MPC2: variants seen among roughly 807,000 people sequenced by gnomAD.
MPC2 encodes the protein brain protein 44.
Under a neutral mutation model 19.2 loss-of-function variants are expected in MPC2, and 19 were observed. The ratio of observed to expected loss-of-function variants is 0.99; its 90% CI spans 0.69 to 1.45. The LOEUF is 1.45. MPC2 is among the 40% of genes most tolerant of loss of function. The probability of loss-of-function intolerance (pLI) is 0.00; values close to 1 mark genes in which losing one functional copy is unlikely to be tolerated. For synonymous variants in MPC2, 61 were observed against 54.3 expected, an observed-to-expected ratio of 1.12 and a Z score of -0.54; for missense variants, 122 against 153.0, an observed-to-expected ratio of 0.80 and a Z score of 1.07.
chr1:167,935,969 C>T, intron 1 of MPC2, 71 bp from the exon 2 acceptor site: 2 of 705,118 alleles, frequency 2.8e-6, no homozygotes, highest in South Asian at 1.7e-5. Context: ...CTGGAGTACC[C>T]TTCCCGCGGC....
chr1:167,933,502 T>G (rs1349922112), intron 2 of MPC2, among the ~76,000 whole-genome samples: 1 of 152,334 alleles, frequency 6.6e-6, no homozygotes, highest in East Asian at 1.9e-4. Context: ...AGACATACAG[T>G]GTCAGTGATA....
At chr1:167,928,239 TCG>T (rs1232326533) in intron 2 of MPC2, among the ~76,000 whole-genome samples, 151 of 150,852 alleles carry the variant, frequency 1.0e-3, no homozygotes, top group Non-Finnish European at 1.5e-3. Context: ...TCCCAGCTAC[TCG>T]GGAGGCTGAG....
chr1:167,930,701 G>A (rs1260661798), intron 2 of MPC2, among the ~76,000 whole-genome samples: 3 of 152,158 alleles, frequency 2.0e-5, no homozygotes, highest in East Asian at 1.9e-4. Flanking sequence ...ATAGAGCAAC[G>A]ACTAGAACAC....
intron 4 of MPC2, among the ~76,000 whole-genome samples, 153 bp downstream of exon 4, chr1:167,920,394 A>G (rs960604665): frequency 6.6e-6 from 1 of 152,232 alleles, no homozygotes; most frequent in Non-Finnish European, 1.5e-5. Context: ...TGACTCCTCC[A>G]TCCATAACTT....
chr1:167,925,450 T>C (rs1422575322), intron 2 of MPC2, among the ~76,000 whole-genome samples: 18 of 107,812 alleles, frequency 1.7e-4, no homozygotes, highest in South Asian at 8.2e-4. Context: ...CACATATATA[T>C]ATATATATAT....
chr1:167,919,288 A>G (rs1670543099), intron 5 of MPC2, among the ~76,000 whole-genome samples: 1 of 152,134 alleles, frequency 6.6e-6, no homozygotes. Flanking sequence ...CTTCCCTTCT[A>G]CCATACCTTG....
chr1:167,919,997 TGA>T lies in MPC2; in HGVS notation c.327_328del (p.Gln110AlafsTer8). On this transcript the variant is annotated frameshift_variant, in exon 5 of 6. Transcript: ENST00000271373. LOFTEE classifies it high-confidence loss of function. ...GGCTTACCTCCAAATACGAAAAAGC[TGA>T]GAGGCTCCTGCTGCCCCCACAAAGA... 6.2e-7 allele frequency: 1 copy of T among 1,612,426 alleles called. No individual in the cohort carries two copies. Among genetic ancestry groups the T allele is most frequent in the Non-Finnish European group, 8.5e-7 (1 of 1,179,296 alleles).
intron 2 of MPC2, among the ~76,000 whole-genome samples, chr1:167,927,621 C>T (rs560587640): frequency 5.9e-5 from 9 of 152,144 alleles, no homozygotes; most frequent in Non-Finnish European, 1.2e-4. Context: ...TGAGTAAAGC[C>T]TCTAGATTCT....
intron 3 of MPC2, among the ~76,000 whole-genome samples, chr1:167,922,147 A>G (rs1365060148): frequency 6.6e-6 from 1 of 152,232 alleles, no homozygotes; most frequent in African/African-American, 2.4e-5. Context: ...TAAGGTAAGT[A>G]TCTAATAGAA....
intron 2 of MPC2, among the ~76,000 whole-genome samples, chr1:167,925,546 G>GTTTTTT (rs1557854280): frequency 9.8e-6 from 1 of 101,844 alleles, no homozygotes; most frequent in African/African-American, 3.6e-5. Flanking sequence ...TTTTTTTTTG[G>GTTTTTT]TTTTTTTTGT....
intron 5 of MPC2, among the ~76,000 whole-genome samples, chr1:167,918,984 G>C (rs1265051410): frequency 6.6e-6 from 1 of 152,110 alleles, no homozygotes; most frequent in Non-Finnish European, 1.5e-5. Flanking sequence ...AATTCTACAA[G>C]AACGTGACAA....
chr1:167,921,660 G>A (rs1670605917), intron 3 of MPC2, among the ~76,000 whole-genome samples: 1 of 151,770 alleles, frequency 6.6e-6, no homozygotes, highest in African/African-American at 2.4e-5. Flanking sequence ...CACTATGTTT[G>A]TCCCCAATCT....
In MPC2 at chr1:167,937,071, C is replaced by A; in HGVS notation, c.-190G>T. On this transcript the variant is annotated 5_prime_UTR_variant, in exon 1 of 6. Transcript: ENST00000271373. ...CGCCTAGAGTGGGGGAGGGGGCACG[C>A]TGCCGGGTCTGTTGGAGGTGGGACG... is the stretch of plus-strand genomic sequence containing the variant. The A allele has an allele frequency of 2.1e-6, 3 of 1,404,142 alleles. No individual in the cohort carries two copies. Among genetic ancestry groups the A allele is most frequent in the African/African-American group, 1.4e-5 (1 of 70,920 alleles). The allele number at this position is 1,404,142 out of a possible 1,614,324, so 87.0% of individuals were successfully genotyped here.
chr1:167,925,428 GATATACATATACACATATATATATATAT>G (rs1670709654), intron 2 of MPC2, among the ~76,000 whole-genome samples: 1 of 92,984 alleles, frequency 1.1e-5, no homozygotes, highest in East Asian at 3.0e-4. Flanking sequence ...ATAATATACA[GATATACATATACACATATATATATATAT>G]ATATATATAT....
At position 167,920,672 on chromosome 1, in the gene MPC2, G is replaced by T. The variant is rs780550915; in HGVS notation, c.151-41C>A. On this transcript the variant is annotated intron_variant, in intron 3 of 5. Transcript: ENST00000271373. ...TAGAAAGAAAAAAAGTATCACAAAT[G>T]TGGAGTAATAGTTTTAACTTTAAAT... 1.1e-5 allele frequency: 18 copies of T among 1,576,078 alleles called. No homozygotes were observed. In the South Asian group the frequency reaches 2.0e-4, roughly 17 times the overall value.
intron 1 of MPC2, 46 bp downstream of exon 1, chr1:167,936,893 A>C (rs1414013805): frequency 2.0e-6 from 3 of 1,473,830 alleles, no homozygotes; most frequent in African/African-American, 1.5e-5. Flanking sequence ...CTCCCCTCCC[A>C]CCCGGCTCAG....
chr1:167,923,476 A>G (rs1288685352), intron 3 of MPC2, among the ~76,000 whole-genome samples: 1 of 152,190 alleles, frequency 6.6e-6, no homozygotes, highest in African/African-American at 2.4e-5. Flanking sequence ...TTCCATTTAC[A>G]TGAGGTACTT....
At chr1:167,931,296 T>C (rs1034399314) in intron 2 of MPC2, among the ~76,000 whole-genome samples, 23 of 152,334 alleles carry the variant, frequency 1.5e-4, no homozygotes, top group African/African-American at 5.5e-4. Context: ...CGTTATTTTA[T>C]CCACTGCTTT....
chr1:167,931,577 CTT>C (rs1286925402), intron 2 of MPC2, among the ~76,000 whole-genome samples: 1 of 151,734 alleles, frequency 6.6e-6, no homozygotes, highest in Non-Finnish European at 1.5e-5. Context: ...ATATTAATAT[CTT>C]AGACTGGCAT....
Sources: allele counts gnomAD v4.1 joint callset (sites outside exome capture counted in the v4.1 genomes callset), GRCh38; gene constraint gnomAD v4.1.1; transcripts MANE v1.5; gene names NCBI Gene and HGNC (gene_info 2026-07-23, HGNC 2026-07-21).